Variants in RAB2A observed in about 807,000 individuals in gnomAD.
RAB2A encodes the protein ras-related protein Rab-2A.
A neutral mutation model predicts 32.5 loss-of-function variants in RAB2A; 7 were observed. The ratio of observed to expected loss-of-function variants is 0.22; its 90% CI spans 0.12 to 0.40. The LOEUF (loss-of-function observed/expected upper bound fraction) is 0.40, where lower values mean the gene tolerates loss of function less well. Among genes scored for constraint, RAB2A ranks in the 10% least tolerant of loss-of-function variants. RAB2A has a pLI of 1.00. For missense variants in RAB2A, 108 were observed against 260.7 expected (o/e 0.41, Z 4.03); for synonymous variants, 79 against 85.2 (o/e 0.93, Z 0.40).
At position 60,535,392 on chromosome 8, in the gene RAB2A, A is replaced by G. The variant is rs182395875; in HGVS notation, c.46+18139A>G. Among the ~76,000 whole-genome samples the G allele has an allele frequency of 3.9e-5, 6 of 152,334 alleles. No homozygotes were observed. The East Asian group carries it at 5.8e-4, about 15-fold the overall frequency. ...CCTTCCAGAAATTTTCTGTACCTCT[A>G]TAAGCCTGTGTGTGTGTACATGTGT... On this transcript the variant is annotated intron_variant, in intron 1 of 7. Coordinates refer to ENST00000262646, the MANE Select transcript of RAB2A (RefSeq NM_002865.3).
intron 1 of RAB2A, among the ~76,000 whole-genome samples, chr8:60,557,819 G>C (rs537998959): frequency 1.3e-5 from 2 of 152,156 alleles, no homozygotes; most frequent in Admixed American, 1.3e-4. Context: ...GCCTACCTTG[G>C]CCTCCCAAAG....
chr8:60,581,946 C>CCT lies in RAB2A; in HGVS notation c.187-2262_187-2261insCT, dbSNP rs1803763762. Among the ~76,000 whole-genome samples the CCT allele has an allele frequency of 1.4e-5, 2 of 140,378 alleles. 1 individual carries two copies. The highest frequency in any genetic ancestry group is 5.2e-5 in the African/African-American group (2 of 38,124). 92.1% of individuals were successfully genotyped at this position (140,378 alleles called of 152,430 possible). ...TTTTTTGTTGTTGTTGTTTTTCTTTCTTTTTTTTTTTTTTTAAAGACACAG... is the reference window on the plus strand; with the variant it reads ...TTTTTTGTTGTTGTTGTTTTTCTTTCCTTTTTTTTTTTTTTTTAAAGACACAG... On this transcript the variant is annotated intron_variant, in intron 3 of 7. Coordinates refer to ENST00000262646, the MANE Select transcript of RAB2A (RefSeq NM_002865.3).
intron 1 of RAB2A, among the ~76,000 whole-genome samples, chr8:60,540,534 C>T (rs1293558085): frequency 6.6e-6 from 1 of 152,222 alleles, no homozygotes; most frequent in Non-Finnish European, 1.5e-5. Context: ...GGCTGAAGTG[C>T]AATGGCGCAA....
In RAB2A at chr8:60,623,131, C is replaced by G. The variant is rs1804555602; in HGVS notation, c.*2362C>G. 6.6e-6 allele frequency: 1 copy of G among 152,192 alleles called. No homozygotes were observed. Among genetic ancestry groups the G allele is most frequent in the Non-Finnish European group, 1.5e-5 (1 of 68,036 alleles). The allele number at this position is 152,192 out of a possible 1,614,324, so 9.4% of individuals were successfully genotyped here. The stretch of plus-strand genomic sequence containing the variant: ...TTCAAAATTGTGATCTTCATAAAGA[C>G]ATTGTTACCATTCGTCTTGCAAATT... On this transcript the variant is annotated 3_prime_UTR_variant, in exon 8 of 8. Coordinates refer to ENST00000262646, the MANE Select transcript of RAB2A (RefSeq NM_002865.3).
intron 2 of RAB2A, among the ~76,000 whole-genome samples, chr8:60,564,164 T>C (rs1808068366): frequency 6.6e-6 from 1 of 152,188 alleles, no homozygotes; most frequent in Non-Finnish European, 1.5e-5. Flanking sequence ...TTTGCTATCT[T>C]TACTCTCAGC....
intron 1 of RAB2A, among the ~76,000 whole-genome samples, chr8:60,554,127 T>A (rs951780480): frequency 6.6e-6 from 1 of 152,208 alleles, no homozygotes; most frequent in Non-Finnish European, 1.5e-5. Context: ...TTAGTCAGTG[T>A]GACATGAGAG....
At chr8:60,589,513 A>C (rs2130852256) in intron 5 of RAB2A, among the ~76,000 whole-genome samples, 1 of 152,330 alleles carries the variant, frequency 6.6e-6, no homozygotes, top group Non-Finnish European at 1.5e-5. Context: ...AATTTTTCTT[A>C]CTATGGCATT....
chr8:60,581,336 A>G (rs1025723074), intron 3 of RAB2A, among the ~76,000 whole-genome samples: 4 of 152,240 alleles, frequency 2.6e-5, no homozygotes, highest in African/African-American at 9.6e-5. Context: ...CTCAACCTGT[A>G]CTAAGTGACT....
chr8:60,558,562 T>TTG (rs1807972679), intron 1 of RAB2A: 1 of 497,134 alleles, frequency 2.0e-6, no homozygotes, highest in African/African-American at 2.0e-5. Context: ...TAGTAGAGGC[T>TTG]ACCAGAAGGA....
chr8:60,576,121 A>G, intron 3 of RAB2A: 1 of 428,120 alleles, frequency 2.3e-6, no homozygotes, highest in South Asian at 1.7e-5. Context: ...GGAAACAGTG[A>G]TAAGAGTCTA....
At chr8:60,600,035 C>A (rs766866529) in intron 6 of RAB2A, among the ~76,000 whole-genome samples, 13 of 147,420 alleles carry the variant, frequency 8.8e-5, no homozygotes, top group Non-Finnish European at 1.8e-4. Context: ...AATAAAAATT[C>A]TCAAAAGTGT....
At chr8:60,547,000 A>C (rs1358620384) in intron 1 of RAB2A, among the ~76,000 whole-genome samples, 24 of 149,062 alleles carry the variant, frequency 1.6e-4, no homozygotes, top group Non-Finnish European at 3.1e-4. Flanking sequence ...CAGATAAACA[A>C]GTGAACAAAG....
chr8:60,600,208 C>T (rs1266969785), intron 6 of RAB2A, among the ~76,000 whole-genome samples: 2 of 152,090 alleles, frequency 1.3e-5, no homozygotes, highest in African/African-American at 4.8e-5. Context: ...GAAATTAAAA[C>T]TTCAGTAAGC....
At chr8:60,606,046 G>A (rs747223230) in intron 6 of RAB2A, among the ~76,000 whole-genome samples, 1 of 152,036 alleles carries the variant, frequency 6.6e-6, no homozygotes, top group African/African-American at 2.4e-5. Context: ...CTACTCAGGA[G>A]GCTGAGACAG....
chr8:60,616,288 A>G (rs1177025274), intron 6 of RAB2A, among the ~76,000 whole-genome samples: 1 of 152,248 alleles, frequency 6.6e-6, no homozygotes, highest in African/African-American at 2.4e-5. Context: ...GGCAATTTTT[A>G]TGCAAATTGA....
chr8:60,546,857 A>G (rs1471206214), intron 1 of RAB2A, among the ~76,000 whole-genome samples: 1 of 147,876 alleles, frequency 6.8e-6, no homozygotes, highest in Non-Finnish European at 1.5e-5. Context: ...CCTGAGCATC[A>G]GTTTGGGTTG....
At chr8:60,600,871 T>A (rs1414847349) in intron 6 of RAB2A, among the ~76,000 whole-genome samples, 4 of 152,224 alleles carry the variant, frequency 2.6e-5, no homozygotes, top group Non-Finnish European at 4.4e-5. Flanking sequence ...ATGATAAAAA[T>A]TTTTGTAACA....
At chr8:60,562,563 A>G (rs528525502) in intron 2 of RAB2A, among the ~76,000 whole-genome samples, 1 of 151,092 alleles carries the variant, frequency 6.6e-6, no homozygotes, top group South Asian at 2.1e-4. Flanking sequence ...GATCCTATAA[A>G]GTGAATGTAA....
intron 1 of RAB2A, among the ~76,000 whole-genome samples, chr8:60,537,642 G>A (rs1807578181): frequency 6.6e-6 from 1 of 152,048 alleles, no homozygotes; most frequent in Non-Finnish European, 1.5e-5. Context: ...CAACAAAACC[G>A]ACATCCTACA....
Sources: gnomAD v4.1 joint callset for allele counts (sites outside exome capture counted in the v4.1 genomes callset) on GRCh38, gnomAD v4.1.1 for gene constraint, MANE v1.5 for transcripts, NCBI Gene and HGNC (gene_info 2026-07-23, HGNC 2026-07-21) for gene names.